The following DGKB variants were observed in gnomAD, a reference collection of about 807,000 sequenced individuals.
The protein encoded by DGKB is diacylglycerol kinase beta.
A neutral mutation model predicts 114.3 loss-of-function variants in DGKB; 67 were observed. That is an observed-to-expected ratio of 0.59 (90% CI 0.48 to 0.72). The LOEUF (loss-of-function observed/expected upper bound fraction) is 0.72. Ranked by LOEUF, DGKB falls within the 30% of genes least tolerant of loss-of-function variation. The pLI, the probability that DGKB is intolerant of heterozygous loss-of-function variation, is 0.00. For synonymous variants in DGKB, 398 were observed against 323.1 expected (o/e 1.23, Z -2.49); for missense variants, 907 against 975.2 (o/e 0.93, Z 0.93).
At chr7:14,364,234 A>G (rs1214743694) in intron 21 of DGKB, among the ~76,000 whole-genome samples, 1 of 152,058 alleles carries the variant, frequency 6.6e-6, no homozygotes, top group Non-Finnish European at 1.5e-5. Context: ...CTAAGCTCCA[A>G]AAATACAGAC....
At chr7:14,375,241 G>C (rs1818296435) in intron 21 of DGKB, among the ~76,000 whole-genome samples, 1 of 152,210 alleles carries the variant, frequency 6.6e-6, no homozygotes, top group African/African-American at 2.4e-5. Context: ...CGTTGGAGAA[G>C]CTTCCAGGCA....
At chr7:14,599,235 C>A (rs1021256994) in intron 17 of DGKB, among the ~76,000 whole-genome samples, 2 of 152,110 alleles carry the variant, frequency 1.3e-5, no homozygotes, top group Admixed American at 6.6e-5. Flanking sequence ...CAGTCCTGGG[C>A]AAATGCTAAA....
intron 20 of DGKB, among the ~76,000 whole-genome samples, chr7:14,507,728 T>G (rs1355170607): frequency 6.6e-6 from 1 of 152,092 alleles, no homozygotes; most frequent in Non-Finnish European, 1.5e-5. Flanking sequence ...GTACTATCTA[T>G]CGAAATTCCA....
chr7:14,668,343 A>C (rs1169581565), intron 13 of DGKB, among the ~76,000 whole-genome samples: 2 of 152,084 alleles, frequency 1.3e-5, no homozygotes, highest in African/African-American at 4.8e-5. Flanking sequence ...TAGTTTGGGA[A>C]AGTTGGGGTG....
At chr7:14,167,364 C>A (rs960123392) in intron 25 of DGKB, among the ~76,000 whole-genome samples, 4 of 152,066 alleles carry the variant, frequency 2.6e-5, no homozygotes, top group African/African-American at 9.7e-5. Flanking sequence ...AGTCCTACTC[C>A]TTTTTTCTCT....
chr7:14,832,955 G>C (rs576309808), intron 2 of DGKB, among the ~76,000 whole-genome samples: 4 of 152,088 alleles, frequency 2.6e-5, no homozygotes, highest in Admixed American at 2.6e-4. Flanking sequence ...GGTTCAATAT[G>C]TCCAAAATCA....
chr7:14,167,208 C>A (rs1376657811), intron 25 of DGKB, among the ~76,000 whole-genome samples: 1 of 10,484 alleles, frequency 9.5e-5, no homozygotes, highest in African/African-American at 3.5e-4. Flanking sequence ...GAGACTCCAT[C>A]TCAAAAAAAA....
chr7:14,951,695 T>G (rs1221299025), intron 1 of DGKB, among the ~76,000 whole-genome samples: 2 of 151,894 alleles, frequency 1.3e-5, no homozygotes, highest in Non-Finnish European at 2.9e-5. Context: ...AGCTCATCAA[T>G]TATAAAAAAA....
chr7:14,270,267 G>A (rs1023201409), intron 23 of DGKB, among the ~76,000 whole-genome samples: 3 of 152,070 alleles, frequency 2.0e-5, no homozygotes, highest in Admixed American at 6.6e-5. Context: ...CATATGCTGC[G>A]TTCTCTTCTT....
intron 21 of DGKB, among the ~76,000 whole-genome samples, chr7:14,471,260 TGGAATATATGTGTATAC>T (rs1781300132): frequency 1.4e-5 from 2 of 138,528 alleles, no homozygotes; most frequent in African/African-American, 5.9e-5. Flanking sequence ...TATATGTGTA[TGGAATATATGTGTATAC>T]ATACATATAT....
At chr7:14,323,670 G>A (rs1336178634) in intron 23 of DGKB, among the ~76,000 whole-genome samples, 1 of 152,188 alleles carries the variant, frequency 6.6e-6, no homozygotes, top group South Asian at 2.1e-4. Context: ...AAGGCTTTGA[G>A]ATGATGTCAT....
intron 21 of DGKB, among the ~76,000 whole-genome samples, chr7:14,418,615 A>G (rs2128758421): frequency 6.6e-6 from 1 of 151,896 alleles, no homozygotes; most frequent in Admixed American, 6.6e-5. Flanking sequence ...TTAACAGGCT[A>G]TCATTCTGAT....
chr7:14,554,167 C>T (rs1167962374), intron 20 of DGKB, among the ~76,000 whole-genome samples: 4 of 152,034 alleles, frequency 2.6e-5, no homozygotes, highest in Non-Finnish European at 5.9e-5. Flanking sequence ...CCACCACACC[C>T]GGCCTTCCTT....
At chr7:14,237,590 G>A (rs1411087628) in intron 23 of DGKB, among the ~76,000 whole-genome samples, 3 of 151,770 alleles carry the variant, frequency 2.0e-5, no homozygotes, top group African/African-American at 7.3e-5. Flanking sequence ...TTTTAAAAAT[G>A]CCATTTGAAT....
intron 1 of DGKB, among the ~76,000 whole-genome samples, chr7:14,896,276 G>C (rs1782086043): frequency 6.6e-6 from 1 of 151,714 alleles, no homozygotes; most frequent in East Asian, 1.9e-4. Context: ...TTAGGTAAGG[G>C]AAAGGGAGTT....
chr7:14,681,416 A>G (rs192873914), intron 12 of DGKB, among the ~76,000 whole-genome samples: 1 of 151,538 alleles, frequency 6.6e-6, no homozygotes, highest in East Asian at 1.9e-4. Context: ...ATTCTGTATG[A>G]GTGTGCATGT....
intron 23 of DGKB, among the ~76,000 whole-genome samples, chr7:14,201,201 T>A (rs1785816111): frequency 6.6e-6 from 1 of 151,942 alleles, no homozygotes; most frequent in African/African-American, 2.4e-5. Context: ...ATGGAAGGCT[T>A]GAGGGATCCT....
At chr7:14,892,864 ATG>A (rs10646592) in intron 1 of DGKB, among the ~76,000 whole-genome samples, 7,908 of 147,094 alleles carry the variant, frequency 0.054, 656 homozygotes, top group African/African-American at 0.18. Flanking sequence ...ATATATATAT[ATG>A]TGTGTGTGTG....
chr7:14,242,981 G>A (rs1238928050), intron 23 of DGKB, among the ~76,000 whole-genome samples: 4 of 151,832 alleles, frequency 2.6e-5, no homozygotes, highest in Non-Finnish European at 5.9e-5. Flanking sequence ...TAACAGAGGT[G>A]ACAGTATGAA....
Sources: gnomAD v4.1 joint callset for allele counts (sites outside exome capture counted in the v4.1 genomes callset) on GRCh38, gnomAD v4.1.1 for gene constraint, MANE v1.5 for transcripts, NCBI Gene and HGNC (gene_info 2026-07-23, HGNC 2026-07-21) for gene names.